The following ACOXL variants were observed in gnomAD, a reference collection of about 807,000 sequenced individuals.
ACOXL encodes acyl-CoA oxidase like.
Under a neutral mutation model 71.9 loss-of-function variants are expected in ACOXL, and 70 were observed. The observed-to-expected ratio is 0.97, with a 90% CI of 0.80 to 1.19. ACOXL has a LOEUF of 1.19. ACOXL is among the 50% of genes most tolerant of loss of function. ACOXL has a pLI of 0.00. For synonymous variants in ACOXL, 253 were observed against 281.6 expected (o/e 0.90, Z 1.02); for missense variants, 703 against 736.3 (o/e 0.95, Z 0.52).
chr2:110,906,836 C>T (rs1010051645), intron 10 of ACOXL, among the ~76,000 whole-genome samples: 8 of 152,174 alleles, frequency 5.3e-5, no homozygotes, highest in African/African-American at 1.9e-4. Context: ...ATGTCCAGTG[C>T]CTAGCATGAT....
chr2:110,834,212 G>C (rs1332294470), intron 9 of ACOXL, among the ~76,000 whole-genome samples: 2 of 152,112 alleles, frequency 1.3e-5, no homozygotes, highest in Non-Finnish European at 2.9e-5. Context: ...CACGTAATAA[G>C]AATCACTTAA....
chr2:110,994,138 T>C (rs991129793), intron 13 of ACOXL, among the ~76,000 whole-genome samples: 3 of 152,236 alleles, frequency 2.0e-5, no homozygotes, highest in Non-Finnish European at 4.4e-5. Flanking sequence ...ACAGTCTGAA[T>C]TCCAGGGAAG....
chr2:110,946,002 T>C (rs2061093139), intron 12 of ACOXL, among the ~76,000 whole-genome samples: 1 of 152,240 alleles, frequency 6.6e-6, no homozygotes, highest in African/African-American at 2.4e-5. Flanking sequence ...TTCCAATTGT[T>C]TGTGTCATCT....
At chr2:110,803,231 TAAA>T (rs1423962630) in intron 8 of ACOXL, among the ~76,000 whole-genome samples, 1 of 152,082 alleles carries the variant, frequency 6.6e-6, no homozygotes, top group African/African-American at 2.4e-5. Flanking sequence ...ACAATCTTGA[TAAA>T]GAAGAACAAA....
chr2:110,815,363 G>T (rs1480417898), intron 9 of ACOXL, among the ~76,000 whole-genome samples: 1 of 152,088 alleles, frequency 6.6e-6, no homozygotes, highest in Non-Finnish European at 1.5e-5. Flanking sequence ...ATATCTTCAA[G>T]CTTCTTGATC....
chr2:110,746,289 G>A (rs921511957), intron 1 of ACOXL, among the ~76,000 whole-genome samples: 8 of 151,924 alleles, frequency 5.3e-5, no homozygotes, highest in African/African-American at 1.9e-4. Flanking sequence ...GGCTTATTGT[G>A]AATGCTGCAG....
chr2:110,937,502 C>T (rs2060709084), intron 12 of ACOXL, among the ~76,000 whole-genome samples: 1 of 152,156 alleles, frequency 6.6e-6, no homozygotes, highest in Non-Finnish European at 1.5e-5. Flanking sequence ...TTGTTCCTTC[C>T]CTTCTCCTCT....
intron 12 of ACOXL, among the ~76,000 whole-genome samples, chr2:110,955,857 A>T (rs2061480464): frequency 6.6e-6 from 1 of 150,892 alleles, no homozygotes; most frequent in Admixed American, 6.6e-5. Flanking sequence ...TCCGGGTTGG[A>T]GGAGGTCTCT....
intron 16 of ACOXL, among the ~76,000 whole-genome samples, chr2:111,074,829 A>G (rs568102834): frequency 3.3e-5 from 5 of 152,160 alleles, no homozygotes; most frequent in Non-Finnish European, 4.4e-5. Context: ...TCCTGGGTTC[A>G]AGTGATCCAC....
rs2059085081 is a variant in ACOXL, at chr2:110,898,053, A to G, written c.789-10736A>G. ...TATCACAACTCCCCCAATGTGTAAG[A>G]TAATTTGAATAACCTTTTAACTGCT... is the stretch of plus-strand genomic sequence containing the variant. On this transcript the variant is annotated intron_variant, in intron 10 of 17. Coordinates refer to ENST00000439055, the MANE Select transcript of ACOXL (RefSeq NM_001142807.4). Among the ~76,000 whole-genome samples the G allele has an allele frequency of 3.3e-5, 5 of 152,194 alleles. No individual in the cohort carries two copies. In the South Asian group the frequency reaches 1.0e-3, roughly 31 times the overall value.
chr2:110,782,855 A>AG (rs1446978992), intron 2 of ACOXL, among the ~76,000 whole-genome samples: 1 of 152,190 alleles, frequency 6.6e-6, no homozygotes, highest in Non-Finnish European at 1.5e-5. Flanking sequence ...GCATCAAGGA[A>AG]GGGTTTGTTG....
intron 11 of ACOXL, among the ~76,000 whole-genome samples, chr2:110,924,876 C>T (rs951197483): frequency 1.1e-4 from 16 of 151,982 alleles, no homozygotes; most frequent in Admixed American, 2.6e-4. Context: ...CTATGACAGC[C>T]ATAGCCTTAT....
At chr2:111,006,178 C>A (rs1357494783) in intron 14 of ACOXL, among the ~76,000 whole-genome samples, 1 of 152,182 alleles carries the variant, frequency 6.6e-6, no homozygotes, top group East Asian at 1.9e-4. Context: ...GATGGAGGGG[C>A]TCTCTTTGTA....
At chr2:110,876,582 C>CAA (rs1695934234) in intron 10 of ACOXL, among the ~76,000 whole-genome samples, 1 of 152,192 alleles carries the variant, frequency 6.6e-6, no homozygotes, top group African/African-American at 2.4e-5. Context: ...TTCTGTGGCT[C>CAA]GTGGCTGACA....
intron 2 of ACOXL, 130 bp from the exon 3 acceptor site, chr2:110,784,602 A>T: frequency 1.6e-6 from 1 of 626,160 alleles, no homozygotes; most frequent in Non-Finnish European, 2.6e-6. Context: ...ATTGTTTCTT[A>T]ATTTAAAAAC....
chr2:110,887,698 G>A (rs1221103326), intron 10 of ACOXL: 4 of 152,370 alleles, frequency 2.6e-5, no homozygotes, highest in African/African-American at 4.8e-5. Flanking sequence ...GGTCTCTAGT[G>A]ATCCTCCTGC....
At chr2:110,960,866 G>T (rs1479751941) in intron 12 of ACOXL, among the ~76,000 whole-genome samples, 2 of 152,156 alleles carry the variant, frequency 1.3e-5, no homozygotes, top group Non-Finnish European at 2.9e-5. Context: ...TACTCAAGAA[G>T]ATGGCTGCAA....
intron 16 of ACOXL, among the ~76,000 whole-genome samples, chr2:111,059,636 T>C (rs532437321): frequency 6.6e-6 from 1 of 152,120 alleles, no homozygotes; most frequent in South Asian, 2.1e-4. Context: ...AACTAGAAAG[T>C]AGACCAAGCT....
intron 10 of ACOXL, among the ~76,000 whole-genome samples, chr2:110,869,305 G>A (rs1049693623): frequency 1.3e-5 from 2 of 152,128 alleles, no homozygotes; most frequent in African/African-American, 4.8e-5. Context: ...CAATGCAGTC[G>A]TTGTTGGCAT....
Sources: gnomAD v4.1 joint callset for allele counts (sites outside exome capture counted in the v4.1 genomes callset) on GRCh38, gnomAD v4.1.1 for gene constraint, MANE v1.5 for transcripts, NCBI Gene and HGNC (gene_info 2026-07-23, HGNC 2026-07-21) for gene names.